The following SMARCC1 variants were observed in gnomAD, a reference collection of about 807,000 sequenced individuals.
The protein encoded by SMARCC1 is SWI/SNF complex subunit SMARCC1.
A neutral mutation model predicts 147.4 loss-of-function variants in SMARCC1; 43 were observed. The ratio of observed to expected loss-of-function variants is 0.29; its 90% confidence interval spans 0.23 to 0.38. SMARCC1 has a LOEUF of 0.38. Among genes scored for constraint, SMARCC1 ranks in the 10% least tolerant of loss-of-function variants. The pLI, the probability that SMARCC1 is intolerant of heterozygous loss-of-function variation, is 1.00. For synonymous variants in SMARCC1, 495 were observed against 484.4 expected (o/e 1.02, Z -0.29); for missense variants, 1,119 against 1,381.1 (o/e 0.81, Z 3.01).
At chr3:47,620,827 C>A (rs1326935318) in intron 25 of SMARCC1, among the ~76,000 whole-genome samples, 2 of 152,122 alleles carry the variant, frequency 1.3e-5, no homozygotes, top group Admixed American at 1.3e-4. Context: ...GTTCTCCTTT[C>A]TAGTATTTAT....
intron 2 of SMARCC1, among the ~76,000 whole-genome samples, chr3:47,766,779 T>C (rs113182208): frequency 0.013 from 1,956 of 152,274 alleles, 47 homozygotes; most frequent in African/African-American, 0.043. Flanking sequence ...TAATGCAATA[T>C]ACCTTTAGCC....
intron 8 of SMARCC1, among the ~76,000 whole-genome samples, chr3:47,714,044 G>C (rs190576115): frequency 6.6e-6 from 1 of 152,310 alleles, no homozygotes; most frequent in East Asian, 1.9e-4. Context: ...GTAGAAAACA[G>C]CTGAGAAGAG....
At chr3:47,645,988 A>G (rs537526798) in intron 21 of SMARCC1, among the ~76,000 whole-genome samples, 1 of 152,272 alleles carries the variant, frequency 6.6e-6, no homozygotes, top group African/African-American at 2.4e-5. Flanking sequence ...TATGTTGCTC[A>G]GACCTGGCTC....
At chr3:47,710,422 C>G (rs1346274117) in intron 9 of SMARCC1, among the ~76,000 whole-genome samples, 2 of 152,092 alleles carry the variant, frequency 1.3e-5, no homozygotes, top group Non-Finnish European at 2.9e-5. Context: ...TGGGCAAAAT[C>G]AGCTATACCA....
rs1447623836 is a variant in SMARCC1, at chr3:47,772,901, C to T, written c.231G>A (p.Leu77=). The T allele has an allele frequency of 6.2e-6, 10 of 1,613,338 alleles. No individual in the cohort carries two copies. In the East Asian group the frequency reaches 1.8e-4, roughly 29 times the overall value. ...VHADAPTNKT[L]AGLVVQLLQF... ...GAAGAAGCTGCACCACCAGCCCAGC[C>T]AGTGTTTTATTGGTAGGAGCATCCG... Residue 77 remains leucine (L), a synonymous_variant, in exon 2 of 28, where the codon CTG becomes CTA. Transcript: ENST00000254480.
chr3:47,710,940 CTAA>C (rs555467600), intron 8 of SMARCC1, 132 bp from the exon 9 acceptor site: 309 of 571,172 alleles, frequency 5.4e-4, no homozygotes, highest in Non-Finnish European at 8.6e-4. Flanking sequence ...TGTGATACTA[CTAA>C]TGATATGTGA....
At chr3:47,665,852 C>CT (rs764505361) in intron 19 of SMARCC1, among the ~76,000 whole-genome samples, 3,407 of 143,046 alleles carry the variant, frequency 0.024, 96 homozygotes, top group African/African-American at 0.068. Context: ...CACTCACTCT[C>CT]TTTTTTTTTT....
At chr3:47,644,593 T>C (rs1038498900) in intron 21 of SMARCC1, among the ~76,000 whole-genome samples, 5 of 152,228 alleles carry the variant, frequency 3.3e-5, no homozygotes, top group African/African-American at 1.2e-4. Context: ...CTGCAACCCC[T>C]GTCTCCCAGG....
chr3:47,597,995 G>C (rs1400531546), intron 26 of SMARCC1, among the ~76,000 whole-genome samples: 1 of 152,194 alleles, frequency 6.6e-6, no homozygotes, highest in Non-Finnish European at 1.5e-5. Flanking sequence ...AACTCCCAGA[G>C]TTTCAAATAG....
chr3:47,618,296 C>T (rs572813935), intron 25 of SMARCC1, among the ~76,000 whole-genome samples: 90 of 152,114 alleles, frequency 5.9e-4, no homozygotes, highest in African/African-American at 2.1e-3. Context: ...AATCCAAACC[C>T]CTTGGGAGGA....
chr3:47,627,759 C>T lies in SMARCC1; in HGVS notation c.2647-5418G>A, dbSNP rs1226463278. ...TTTTTTTGAGACAGGATCTCACTGT[C>T]ATTCAGGATGAAGTGCACCAGTGAG... On this transcript the variant is annotated intron_variant, in intron 24 of 27. Transcript: ENST00000254480. Among the ~76,000 whole-genome samples the T allele has an allele frequency of 6.6e-5, 10 of 152,262 alleles. No individual in the cohort carries two copies. In the East Asian group the frequency reaches 1.9e-3, roughly 29 times the overall value.
chr3:47,766,530 T>G (rs939316167), intron 2 of SMARCC1, among the ~76,000 whole-genome samples: 1 of 152,052 alleles, frequency 6.6e-6, no homozygotes, highest in Admixed American at 6.6e-5. Flanking sequence ...GTTGAGATCA[T>G]GCCACTGCAC....
rs2033628793 is a variant in SMARCC1 at position 47,680,445 on chromosome 3, A to G, written c.1449T>C (p.Thr483=). Residue 483 remains threonine, a synonymous_variant, in exon 15 of 28, where the codon ACT becomes ACC. Coordinates refer to ENST00000254480, the MANE Select transcript of SMARCC1 (RefSeq NM_003074.4). ...EFFNGKNKSK[T]PEIYLAYRNF... ...TAAAACACTGGCCTCACATTTCTGG[A>G]GTCTTGGATTTGTTTTTTCCATTGA... The G allele has an allele frequency of 1.9e-6, 3 of 1,606,408 alleles. No individual in the cohort carries two copies. The highest frequency in any genetic ancestry group is 1.7e-6 in the Non-Finnish European group (2 of 1,174,644).
intron 21 of SMARCC1, among the ~76,000 whole-genome samples, chr3:47,641,370 A>T (rs1468223769): frequency 2.0e-5 from 3 of 152,194 alleles, no homozygotes; most frequent in Non-Finnish European, 4.4e-5. Context: ...ACCTGGTCTC[A>T]ACTACTCAGG....
At chr3:47,622,030 A>G (rs1348193822) in intron 25 of SMARCC1, among the ~76,000 whole-genome samples, 177 bp downstream of exon 25, 1 of 152,194 alleles carries the variant, frequency 6.6e-6, no homozygotes, top group Non-Finnish European at 1.5e-5. Flanking sequence ...AGTGCCTTTT[A>G]TTTAACATCA....
intron 3 of SMARCC1, among the ~76,000 whole-genome samples, chr3:47,740,638 T>A (rs1489068185): frequency 2.0e-5 from 3 of 151,972 alleles, no homozygotes; most frequent in African/African-American, 7.2e-5. Flanking sequence ...TGCGCCGGCC[T>A]TTCATGTTCT....
At chr3:47,708,630 T>C (rs1235012506) in intron 9 of SMARCC1, among the ~76,000 whole-genome samples, 1 of 152,120 alleles carries the variant, frequency 6.6e-6, no homozygotes. Context: ...TATGTAAGTA[T>C]ATCTTCTGGA....
chr3:47,661,422 A>G lies in SMARCC1; in HGVS notation c.2192T>C (p.Leu731Pro). 2 of 1,612,552 alleles carry G rather than the reference A, an allele frequency of 1.2e-6. No individual in the cohort carries two copies. Among genetic ancestry groups the G allele is most frequent in the Non-Finnish European group, 1.7e-6 (2 of 1,179,610 alleles). The change falls in exon 21 of 28, where the codon CTG (leucine) becomes CCG (proline). Residue 731 changes from leucine to proline, a missense_variant. Physicochemically the swap from Leu to Pro is moderately conservative, Grantham distance 98. This residue lies in a region of SMARCC1 where 178 missense variants were observed against 264.6 expected (regional missense o/e 0.67). Transcript: ENST00000254480. The stretch of plus-strand genomic sequence containing the variant: ...CTTGACATGAGCTTCAACCAATTCC[A>G]GTGGTACCTCCTCCCGGACCCGAGA... Reference protein sequence around the residue: ...EFSRVREEVPLELVEAHVKKV... With the variant: ...EFSRVREEVPPELVEAHVKKV...
chr3:47,670,641 T>C lies in SMARCC1; in HGVS notation c.1899+17A>G, dbSNP rs376337018. ...AAAGAATCTTAGCACACATCCCATA[T>C]GCATTAATCTGCTTACCTCCAGGAG... is the stretch of plus-strand genomic sequence containing the variant. On this transcript the variant is annotated intron_variant, in intron 19 of 27. Transcript: ENST00000254480. 7 of 1,420,720 alleles carry C rather than the reference T, an allele frequency of 4.9e-6. No homozygotes were observed. Among genetic ancestry groups the C allele is most frequent in the Middle Eastern group, 1.7e-4 (1 of 5,726 alleles). 88.0% of individuals were successfully genotyped at this position (1,420,720 alleles called of 1,614,324 possible).
Sources: gnomAD v4.1 joint callset for allele counts (sites outside exome capture counted in the v4.1 genomes callset) on GRCh38, gnomAD v4.1.1 for gene constraint, gnomAD v4.1.1 regional missense constraint, MANE v1.5 for transcripts, NCBI Gene and HGNC (gene_info 2026-07-23, HGNC 2026-07-21) for gene names.